HDAC4: variants seen among roughly 807,000 people sequenced by gnomAD.
The protein encoded by HDAC4 is histone deacetylase 4.
A neutral mutation model predicts 135.1 loss-of-function variants in HDAC4; 16 were observed. The observed-to-expected ratio is 0.12, with a 90% CI of 0.08 to 0.18. The LOEUF (loss-of-function observed/expected upper bound fraction) is 0.18. Among genes scored for constraint, HDAC4 ranks in the 10% least tolerant of loss-of-function variants. The pLI, the probability that HDAC4 is intolerant of heterozygous loss-of-function variation, is 1.00. For synonymous variants in HDAC4, 685 were observed against 653.4 expected (o/e 1.05, Z -0.74); for missense variants, 1,143 against 1,511.8 (o/e 0.76, Z 4.05).
At chr2:239,396,580 C>G (rs761224994) in intron 1 of HDAC4, among the ~76,000 whole-genome samples, 1 of 152,174 alleles carries the variant, frequency 6.6e-6, no homozygotes, top group South Asian at 2.1e-4. Context: ...GCTCATCTTG[C>G]AATGGTGATC....
intron 3 of HDAC4, among the ~76,000 whole-genome samples, chr2:239,223,004 A>C (rs1301737840): frequency 1.3e-5 from 2 of 152,186 alleles, no homozygotes. Context: ...AAAGCTATCC[A>C]AATACCCTAA....
At chr2:239,143,463 T>G (rs1055442854) in intron 8 of HDAC4, among the ~76,000 whole-genome samples, 6 of 152,152 alleles carry the variant, frequency 3.9e-5, no homozygotes, top group African/African-American at 1.4e-4. Context: ...GTAGAAAAGG[T>G]CTGTGTGTAC....
chr2:239,201,853 C>T (rs986302834), intron 3 of HDAC4, among the ~76,000 whole-genome samples: 1 of 152,230 alleles, frequency 6.6e-6, no homozygotes, highest in Non-Finnish European at 1.5e-5. Context: ...TGTAAATCGG[C>T]TTTCACTTGC....
intron 3 of HDAC4, among the ~76,000 whole-genome samples, chr2:239,194,746 T>G (rs3791571): frequency 0.018 from 2,698 of 152,328 alleles, 68 homozygotes; most frequent in East Asian, 0.12. Flanking sequence ...AGCTGCTTCC[T>G]ACTCCTCCAG....
chr2:239,148,951 G>A (rs181500151), intron 7 of HDAC4, among the ~76,000 whole-genome samples: 80 of 152,320 alleles, frequency 5.3e-4, no homozygotes, highest in African/African-American at 1.6e-3. Flanking sequence ...AAATTTCTAC[G>A]AGGTGAATGC....
At chr2:239,295,571 A>G (rs1046386255) in intron 2 of HDAC4, among the ~76,000 whole-genome samples, 1 of 152,166 alleles carries the variant, frequency 6.6e-6, no homozygotes, top group Admixed American at 6.5e-5. Context: ...TATCATTAGA[A>G]AGGAGAACAA....
At chr2:239,213,216 A>G (rs991159585) in intron 3 of HDAC4, among the ~76,000 whole-genome samples, 1 of 103,668 alleles carries the variant, frequency 9.6e-6, no homozygotes, top group South Asian at 3.7e-4. Flanking sequence ...CCATAACAGC[A>G]AAGTAGGGGC....
intron 15 of HDAC4, among the ~76,000 whole-genome samples, 168 bp from the exon 16 acceptor site, chr2:239,103,064 G>A (rs2037803393): frequency 6.6e-6 from 1 of 152,166 alleles, no homozygotes. Flanking sequence ...CACCCAACGT[G>A]ATATTTTAAA....
intron 8 of HDAC4, among the ~76,000 whole-genome samples, chr2:239,143,496 C>A (rs1478920438): frequency 6.6e-6 from 1 of 152,160 alleles, no homozygotes; most frequent in East Asian, 1.9e-4. Context: ...AGGAAAGAAA[C>A]CTACATCAGA....
intron 12 of HDAC4, among the ~76,000 whole-genome samples, chr2:239,120,385 A>ACACACAGACGCC (rs1553622831): frequency 1.3e-5 from 2 of 151,040 alleles, no homozygotes; most frequent in Non-Finnish European, 3.0e-5. Flanking sequence ...CCGCAGAGGC[A>ACACACAGACGCC]CACACAGACG....
At chr2:239,102,924 C>T (rs1207132905) in intron 15 of HDAC4, 28 bp from the exon 16 acceptor site, 2 of 1,613,488 alleles carry the variant, frequency 1.2e-6, no homozygotes, top group South Asian at 2.2e-5. Flanking sequence ...AGGACACTCA[C>T]ACGTTCTGCA....
intron 16 of HDAC4, among the ~76,000 whole-genome samples, chr2:239,102,206 C>A (rs192284875): frequency 1.3e-5 from 2 of 152,224 alleles, no homozygotes; most frequent in African/African-American, 4.8e-5. Flanking sequence ...ACTGGAAGCC[C>A]CATGGAGCTG....
At chr2:239,173,105 A>T (rs2043555759) in intron 5 of HDAC4, among the ~76,000 whole-genome samples, 1 of 152,176 alleles carries the variant, frequency 6.6e-6, no homozygotes, top group Non-Finnish European at 1.5e-5. Context: ...ATGTTAAATA[A>T]ACTTTGCCAG....
chr2:239,072,596 G>T lies in HDAC4; in HGVS notation c.2751-3989C>A, dbSNP rs58522163. Among the ~76,000 whole-genome samples, 5 of 152,302 alleles carry T rather than the reference G, an allele frequency of 3.3e-5. No homozygotes were observed. In the East Asian group the frequency reaches 9.7e-4, roughly 29 times the overall value. On this transcript the variant is annotated intron_variant, in intron 22 of 26. Transcript: ENST00000543185. Reference sequence around the variant, plus strand: ...TGGATTTTCAGAGGCCCCTCCCTGGGGGCAGCCAAAAATGCACTCACCGGG... The same window carrying T: ...TGGATTTTCAGAGGCCCCTCCCTGGTGGCAGCCAAAAATGCACTCACCGGG...
At chr2:239,124,476 T>C (rs528348058) in intron 12 of HDAC4, among the ~76,000 whole-genome samples, 4 of 152,396 alleles carry the variant, frequency 2.6e-5, no homozygotes, top group African/African-American at 7.2e-5. Flanking sequence ...TTCCACTTTA[T>C]GGCTGAATGA....
chr2:239,076,303 G>A (rs1040797594), intron 22 of HDAC4, among the ~76,000 whole-genome samples: 1 of 152,232 alleles, frequency 6.6e-6, no homozygotes, highest in African/African-American at 2.4e-5. Flanking sequence ...AAAGGCCATC[G>A]CTCGTGCAGC....
At chr2:239,288,921 T>C (rs559284094) in intron 2 of HDAC4, among the ~76,000 whole-genome samples, 1 of 152,184 alleles carries the variant, frequency 6.6e-6, no homozygotes, top group South Asian at 2.1e-4. Context: ...CTAGGCTTTT[T>C]AAAGGAACTT....
chr2:239,315,379 T>C (rs2053072896), intron 2 of HDAC4, among the ~76,000 whole-genome samples: 1 of 152,182 alleles, frequency 6.6e-6, no homozygotes, highest in South Asian at 2.1e-4. Flanking sequence ...TCAGATACTT[T>C]TGGTTTACAC....
intron 2 of HDAC4, among the ~76,000 whole-genome samples, chr2:239,266,314 C>T (rs1553587754): frequency 2.8e-4 from 42 of 152,338 alleles, no homozygotes; most frequent in Non-Finnish European, 8.8e-5. Flanking sequence ...GGAGCCCACA[C>T]TGAGATTCTG....
Sources: allele counts gnomAD v4.1 joint callset (sites outside exome capture counted in the v4.1 genomes callset), GRCh38; gene constraint gnomAD v4.1.1; transcripts MANE v1.5; gene names NCBI Gene and HGNC (gene_info 2026-07-23, HGNC 2026-07-21).